Variants in TENM4 observed in about 807,000 individuals in gnomAD.
TENM4 encodes teneurin transmembrane protein 4, also known as teneurin-4.
A neutral mutation model predicts 243.3 loss-of-function variants in TENM4; 82 were observed. The ratio of observed to expected loss-of-function variants is 0.34; its 90% CI spans 0.28 to 0.40. The LOEUF is 0.40. Among genes scored for constraint, TENM4 ranks in the 10% least tolerant of loss-of-function variants. TENM4 has a pLI of 1.00. For synonymous variants in TENM4, 1,412 were observed against 1,456.3 expected, an observed-to-expected ratio of 0.97 and a Z score of 0.69; for missense variants, 3,138 against 3,673.3, an observed-to-expected ratio of 0.85 and a Z score of 3.77.
At chr11:79,439,164 C>T (rs1859343118) in intron 1 of TENM4, 2 of 145,692 alleles carry the variant, frequency 1.4e-5, no homozygotes, top group African/African-American at 5.0e-5. Flanking sequence ...CCCGAGCTTG[C>T]CCCACCACCG....
chr11:79,382,666 G>A (rs1237731980), intron 1 of TENM4, among the ~76,000 whole-genome samples: 1 of 152,032 alleles, frequency 6.6e-6, no homozygotes, highest in Non-Finnish European at 1.5e-5. Context: ...AAGGGATGGA[G>A]GGTAGGGAGG....
At chr11:78,799,385 T>C (rs747010294) in intron 15 of TENM4, among the ~76,000 whole-genome samples, 1 of 152,184 alleles carries the variant, frequency 6.6e-6, no homozygotes, top group African/African-American at 2.4e-5. Context: ...GTTACACAGA[T>C]TCAGGTCCAG....
intron 22 of TENM4, among the ~76,000 whole-genome samples, chr11:78,727,777 C>A (rs1023758169): frequency 5.9e-5 from 9 of 152,194 alleles, no homozygotes; most frequent in Non-Finnish European, 8.8e-5. Context: ...TGGAAAGGAA[C>A]CAGCAGAGAC....
chr11:79,416,863 T>A (rs1858825465), intron 1 of TENM4, among the ~76,000 whole-genome samples: 1 of 144,360 alleles, frequency 6.9e-6, no homozygotes, highest in South Asian at 2.2e-4. Context: ...TTTTGGTACA[T>A]AACCAGACAA....
chr11:78,949,999 G>T (rs1857080613), intron 6 of TENM4, among the ~76,000 whole-genome samples: 2 of 151,970 alleles, frequency 1.3e-5, no homozygotes, highest in East Asian at 3.9e-4. Context: ...GGCGGGGCGG[G>T]GGGTGCATCA....
intron 1 of TENM4, among the ~76,000 whole-genome samples, chr11:79,387,324 T>C (rs1374975471): frequency 6.6e-6 from 1 of 152,182 alleles, no homozygotes; most frequent in Non-Finnish European, 1.5e-5. Context: ...GTTACATTGG[T>C]ATGTTAATTT....
At chr11:78,952,642 C>G (rs933945488) in intron 6 of TENM4, among the ~76,000 whole-genome samples, 1 of 152,148 alleles carries the variant, frequency 6.6e-6, no homozygotes, top group African/African-American at 2.4e-5. Flanking sequence ...AATAGCAGAC[C>G]GGTGATCACA....
intron 1 of TENM4, among the ~76,000 whole-genome samples, chr11:79,372,075 G>A (rs1446529035): frequency 6.6e-6 from 1 of 152,178 alleles, no homozygotes; most frequent in Non-Finnish European, 1.5e-5. Flanking sequence ...TCCCCCTCGT[G>A]TATAGATGAA....
At chr11:79,281,440 G>A (rs1330621609) in intron 2 of TENM4, among the ~76,000 whole-genome samples, 2 of 152,142 alleles carry the variant, frequency 1.3e-5, no homozygotes, top group African/African-American at 2.4e-5. Context: ...AGTTTTTGGA[G>A]AATGCTTTTT....
chr11:79,355,425 C>T (rs778699369), intron 1 of TENM4, among the ~76,000 whole-genome samples: 12 of 152,014 alleles, frequency 7.9e-5, no homozygotes, highest in Admixed American at 2.0e-4. Flanking sequence ...CCCAGCTACT[C>T]GGGAGGCTGA....
intron 2 of TENM4, among the ~76,000 whole-genome samples, chr11:79,279,539 C>T (rs1191625764): frequency 4.6e-5 from 7 of 152,180 alleles, no homozygotes; most frequent in Non-Finnish European, 7.3e-5. Context: ...CTATATGCCT[C>T]TCTGCCACCC....
At chr11:79,071,909 A>G (rs1860423206) in intron 4 of TENM4, among the ~76,000 whole-genome samples, 1 of 152,224 alleles carries the variant, frequency 6.6e-6, no homozygotes, top group South Asian at 2.1e-4. Flanking sequence ...GATCCAATTA[A>G]GATGAATAGT....
intron 6 of TENM4, among the ~76,000 whole-genome samples, chr11:79,025,043 A>G (rs938435546): frequency 2.6e-5 from 4 of 152,186 alleles, no homozygotes; most frequent in Admixed American, 6.5e-5. Flanking sequence ...GAGAATTGGC[A>G]TGCTCCTTTG....
Position 79,015,084 on chromosome 11 carries a change from A to C in TENM4, c.493+49654T>G, listed in dbSNP as rs1322138676. The stretch of plus-strand genomic sequence containing the variant: ...ATAAATATCTCATTAGGCCATTGGG[A>C]AAAAAAGTCTCTGTAAGAAGTGCAG... On this transcript the variant is annotated intron_variant, in intron 6 of 33. Transcript: ENST00000278550. Among the ~76,000 whole-genome samples, 3 of 152,286 alleles carry C rather than the reference A, an allele frequency of 2.0e-5. No homozygotes were observed. The East Asian group carries it at 5.8e-4, about 29-fold the overall frequency.
intron 1 of TENM4, among the ~76,000 whole-genome samples, chr11:79,393,853 C>T (rs561029207): frequency 2.0e-5 from 3 of 152,148 alleles, no homozygotes; most frequent in South Asian, 2.1e-4. Flanking sequence ...ATCGGAGACA[C>T]GGGGGAGTGA....
intron 2 of TENM4, among the ~76,000 whole-genome samples, chr11:79,234,879 C>T (rs1049127362): frequency 1.2e-4 from 18 of 152,160 alleles, no homozygotes; most frequent in Non-Finnish European, 2.6e-4. Context: ...GGGCACCTGG[C>T]TTGCGGGGTC....
intron 6 of TENM4, among the ~76,000 whole-genome samples, chr11:78,965,749 A>G (rs1033310119): frequency 6.6e-6 from 1 of 152,174 alleles, no homozygotes; most frequent in African/African-American, 2.4e-5. Context: ...CTGAATATTC[A>G]TAGCTAACAT....
intron 12 of TENM4, among the ~76,000 whole-genome samples, chr11:78,836,780 T>G (rs1858126689): frequency 6.6e-6 from 1 of 152,204 alleles, no homozygotes; most frequent in African/African-American, 2.4e-5. Context: ...AAAACTGGTT[T>G]AGAAACATGG....
intron 7 of TENM4, among the ~76,000 whole-genome samples, chr11:78,899,569 G>GC (rs1184218317): frequency 2.4e-5 from 3 of 123,866 alleles, no homozygotes; most frequent in African/African-American, 8.6e-5. Context: ...CGGGGGGGGG[G>GC]GGAAAAAGAA....
Sources: allele counts gnomAD v4.1 joint callset (sites outside exome capture counted in the v4.1 genomes callset), GRCh38; gene constraint gnomAD v4.1.1; transcripts MANE v1.5; gene names NCBI Gene and HGNC (gene_info 2026-07-23, HGNC 2026-07-21).